NKAIN2: variants seen among roughly 807,000 people sequenced by gnomAD.
NKAIN2 encodes sodium/potassium transporting ATPase interacting 2, also known as sodium/potassium-transporting ATPase subunit beta-1-interacting protein 2.
Under a neutral mutation model 32.6 loss-of-function variants are expected in NKAIN2, and 14 were observed. The ratio of observed to expected loss-of-function variants is 0.43; its 90% CI spans 0.28 to 0.67. The LOEUF is 0.67. Among genes scored for constraint, NKAIN2 ranks in the 30% least tolerant of loss-of-function variants. The probability of loss-of-function intolerance (pLI) is 0.17; values close to 1 mark genes in which losing one functional copy is unlikely to be tolerated. For missense variants in NKAIN2, 198 were observed against 258.3 expected (o/e 0.77, Z 1.60); for synonymous variants, 80 against 87.2 (o/e 0.92, Z 0.46).
At chr6:123,805,422 A>G (rs1214375894) in intron 1 of NKAIN2, among the ~76,000 whole-genome samples, 1 of 152,142 alleles carries the variant, frequency 6.6e-6, no homozygotes, top group Non-Finnish European at 1.5e-5. Flanking sequence ...TTTGTTTAAT[A>G]TTTAGCTGAA....
At chr6:124,276,516 C>A (rs1795040481) in intron 1 of NKAIN2, among the ~76,000 whole-genome samples, 1 of 151,988 alleles carries the variant, frequency 6.6e-6, no homozygotes, top group East Asian at 1.9e-4. Context: ...TGAATCCGAT[C>A]TCTTGGTAAG....
chr6:124,563,721 G>A (rs370560036), intron 3 of NKAIN2, among the ~76,000 whole-genome samples: 6 of 152,204 alleles, frequency 3.9e-5, no homozygotes, highest in East Asian at 3.9e-4. Flanking sequence ...GCAGTGGTGC[G>A]ATTGCGATCT....
intron 1 of NKAIN2, among the ~76,000 whole-genome samples, chr6:123,810,498 G>T (rs558536796): frequency 6.6e-6 from 1 of 152,274 alleles, no homozygotes; most frequent in African/African-American, 2.4e-5. Flanking sequence ...GAATAAAAGG[G>T]CAGAAGGGGA....
intron 3 of NKAIN2, among the ~76,000 whole-genome samples, chr6:124,417,563 C>T (rs638645): frequency 0.22 from 33,165 of 151,970 alleles, 3,998 homozygotes; most frequent in Non-Finnish European, 0.27. Context: ...ATAAAGTATT[C>T]TTTCCCTAAA....
At chr6:124,635,592 T>G (rs893640304) in intron 3 of NKAIN2, among the ~76,000 whole-genome samples, 2 of 151,894 alleles carry the variant, frequency 1.3e-5, no homozygotes, top group Non-Finnish European at 2.9e-5. Flanking sequence ...AGATTCTAAG[T>G]GAATAAATGG....
At chr6:124,492,356 T>C (rs1272442094) in intron 3 of NKAIN2, among the ~76,000 whole-genome samples, 2 of 152,018 alleles carry the variant, frequency 1.3e-5, no homozygotes, top group African/African-American at 4.8e-5. Flanking sequence ...AACATCTTCC[T>C]GCCTAGAGTT....
intron 3 of NKAIN2, among the ~76,000 whole-genome samples, chr6:124,463,473 C>A (rs1045709077): frequency 2.6e-5 from 4 of 152,160 alleles, no homozygotes; most frequent in Non-Finnish European, 4.4e-5. Flanking sequence ...CACATTATCT[C>A]CTATTTATTC....
At chr6:123,831,663 T>G (rs1261402793) in intron 1 of NKAIN2, among the ~76,000 whole-genome samples, 1 of 149,726 alleles carries the variant, frequency 6.7e-6, no homozygotes, top group South Asian at 2.1e-4. Context: ...TTTTTTTTGT[T>G]TTTTTTTTTT....
chr6:124,761,141 T>G (rs1778245244), intron 4 of NKAIN2, among the ~76,000 whole-genome samples: 1 of 152,230 alleles, frequency 6.6e-6, no homozygotes, highest in Non-Finnish European at 1.5e-5. Context: ...ACAATGTGAA[T>G]AAGCTGGTAA....
chr6:123,983,251 C>T (rs1012417835), intron 1 of NKAIN2, among the ~76,000 whole-genome samples: 4 of 152,178 alleles, frequency 2.6e-5, no homozygotes, highest in African/African-American at 9.7e-5. Flanking sequence ...TGAAAGAGCT[C>T]TCTGACATTA....
At chr6:124,737,607 A>C (rs1044090244) in intron 4 of NKAIN2, among the ~76,000 whole-genome samples, 1 of 151,922 alleles carries the variant, frequency 6.6e-6, no homozygotes, top group Non-Finnish European at 1.5e-5. Context: ...AGGGCTCAGA[A>C]GAAGACAGGA....
intron 1 of NKAIN2, among the ~76,000 whole-genome samples, chr6:123,934,245 C>T (rs1242189107): frequency 6.6e-6 from 1 of 152,112 alleles, no homozygotes; most frequent in Non-Finnish European, 1.5e-5. Context: ...GAGCCCTTGC[C>T]TATGACTCCA....
intron 1 of NKAIN2, among the ~76,000 whole-genome samples, chr6:124,155,963 G>GA (rs112070072): frequency 0.049 from 6,225 of 125,788 alleles, 268 homozygotes; most frequent in African/African-American, 0.12. Flanking sequence ...ACAGAGAATG[G>GA]AAAAAAAAAA....
intron 1 of NKAIN2, among the ~76,000 whole-genome samples, chr6:124,009,881 A>G (rs1002862187): frequency 6.6e-6 from 1 of 152,082 alleles, no homozygotes; most frequent in Non-Finnish European, 1.5e-5. Flanking sequence ...TTATATGCGT[A>G]TGTATATGTG....
chr6:124,454,116 G>T (rs13220355), intron 3 of NKAIN2, among the ~76,000 whole-genome samples: 15,189 of 138,610 alleles, frequency 0.11, 1,127 homozygotes, highest in East Asian at 0.26. Context: ...TGGGGGGGGG[G>T]GTTGCTGGTT....
rs75923840 is a variant in NKAIN2, at chr6:124,224,521, C to T, written c.55-58484C>T. 4.1e-4 allele frequency among the ~76,000 whole-genome samples: 62 copies of T among 152,108 alleles called. 2 individuals carry two copies. In the East Asian group the frequency reaches 0.012, roughly 29 times the overall value. On this transcript the variant is annotated intron_variant, in intron 1 of 6. Transcript: ENST00000368417. ...CAAACTGTAGCTCCCCAGAAATAGC[C>T]TAGATACATCATCTACTTGGGAAAT...
In NKAIN2 at chr6:124,282,998, A is replaced by G. The variant is rs757048012; in HGVS notation, c.55-7A>G. ...GCTGATCTGTCCATCCTGTTTTGCT[A>G]TTCTAGGTTTGTGTGCTGGAGAGGC... On this transcript the variant is annotated splice_polypyrimidine_tract_variant and splice_region_variant and intron_variant, in intron 1 of 6. Coordinates refer to ENST00000368417, the MANE Select transcript of NKAIN2 (RefSeq NM_001040214.3). 8 of 1,613,294 alleles carry G rather than the reference A, an allele frequency of 5.0e-6. No individual in the cohort carries two copies. Among genetic ancestry groups the G allele is most frequent in the African/African-American group, 1.3e-5 (1 of 74,800 alleles).
At chr6:124,349,621 T>G (rs1025354790) in intron 2 of NKAIN2, among the ~76,000 whole-genome samples, 3 of 152,184 alleles carry the variant, frequency 2.0e-5, no homozygotes, top group Non-Finnish European at 4.4e-5. Flanking sequence ...TTAATAAAAG[T>G]GAACTCATTC....
At chr6:124,082,594 T>G (rs766372616) in intron 1 of NKAIN2, among the ~76,000 whole-genome samples, 7 of 152,032 alleles carry the variant, frequency 4.6e-5, no homozygotes, top group Non-Finnish European at 1.0e-4. Context: ...TAGAATAATT[T>G]ATATGCCTGC....
Sources: gnomAD v4.1 joint callset for allele counts (sites outside exome capture counted in the v4.1 genomes callset) on GRCh38, gnomAD v4.1.1 for gene constraint, MANE v1.5 for transcripts, NCBI Gene and HGNC (gene_info 2026-07-23, HGNC 2026-07-21) for gene names.